The following ITPRID2 variants were observed in gnomAD, a reference collection of about 807,000 sequenced individuals.
ITPRID2 encodes the protein protein ITPRID2.
Under a neutral mutation model 124.3 loss-of-function variants are expected in ITPRID2, and 60 were observed. The ratio of observed to expected loss-of-function variants is 0.48; its 90% CI spans 0.39 to 0.60. ITPRID2 has a LOEUF of 0.60. Among genes scored for constraint, ITPRID2 ranks in the 20% least tolerant of loss-of-function variants. The pLI is 0.00. For missense variants in ITPRID2, 1,553 were observed against 1,512.2 expected (o/e 1.03, Z -0.45); for synonymous variants, 521 against 542.9 (o/e 0.96, Z 0.56).
At position 181,899,064 on chromosome 2, in the gene ITPRID2, G is replaced by T. The variant is rs747510958; in HGVS notation, c.455G>T (p.Arg152Ile). 1 of 1,611,504 alleles carries T rather than the reference G, an allele frequency of 6.2e-7. No homozygotes were observed. The highest frequency in any genetic ancestry group is 1.1e-5 in the South Asian group (1 of 90,264). The stretch of plus-strand genomic sequence containing the variant: ...AGATTACAGTTTCATCAGAAAGGGA[G>T]AAGTATGAATTCCACTGGATCTGGG... ...ERRLQFHQKGRSMNSTGSGKS... is the reference protein window; with the variant it reads ...ERRLQFHQKGISMNSTGSGKS... Residue 152 changes from arginine (R) to isoleucine (I), a missense_variant, in exon 6 of 18, where the codon AGA becomes ATA. Arg to Ile is a moderately conservative substitution (Grantham distance 97, BLOSUM62 -3). Transcript: ENST00000431877.
At chr2:181,894,008 C>T (rs1392928475) in intron 2 of ITPRID2, 1 of 152,184 alleles carries the variant, frequency 6.6e-6, no homozygotes, top group Non-Finnish European at 1.5e-5. Flanking sequence ...TCCTTTAAAG[C>T]CTCCAATCTG....
At chr2:181,899,364 C>T (rs1343524896) in intron 6 of ITPRID2, among the ~76,000 whole-genome samples, 1 of 152,076 alleles carries the variant, frequency 6.6e-6, no homozygotes, top group South Asian at 2.1e-4. Flanking sequence ...TATTTTGAGC[C>T]CTCTCAACAG....
rs374933632 is a variant in ITPRID2, at chr2:181,929,570, G to C, written c.*23G>C. The stretch of plus-strand genomic sequence containing the variant: ...TCTTTTCTTTTTTAAGGTTGGCATG[G>C]ATCCTATTAGCTGTGTAATACTGGA... On this transcript the variant is annotated 3_prime_UTR_variant, in exon 18 of 18. Coordinates refer to ENST00000431877, the MANE Select transcript of ITPRID2 (RefSeq NM_001130445.3). 1 of 1,610,658 alleles carries C rather than the reference G, an allele frequency of 6.2e-7. No homozygotes were observed. Among genetic ancestry groups the C allele is most frequent in the Non-Finnish European group, 8.5e-7 (1 of 1,177,918 alleles).
At chr2:181,903,738 G>T (rs74871920) in intron 8 of ITPRID2, among the ~76,000 whole-genome samples, 5,562 of 151,850 alleles carry the variant, frequency 0.037, 134 homozygotes, top group South Asian at 0.1. Flanking sequence ...TTTACCTCCT[G>T]GTATAATTTA....
rs1039303841 is a variant in ITPRID2 at position 181,907,223 on chromosome 2, A to C, written c.1414-2676A>C. On this transcript the variant is annotated intron_variant, in intron 8 of 17. Coordinates refer to ENST00000431877, the MANE Select transcript of ITPRID2 (RefSeq NM_001130445.3). The surrounding 1 kb of genome is among the most constrained non-coding windows in gnomAD (Gnocchi z 5.1). The stretch of plus-strand genomic sequence containing the variant: ...AAACATGACAGCTGTTAAGAAACCA[A>C]AGTGGTTCACTGAAACAAAAAGTAC... Among the ~76,000 whole-genome samples the C allele has an allele frequency of 1.3e-5, 2 of 152,202 alleles. No individual in the cohort carries two copies. Among genetic ancestry groups the C allele is most frequent in the African/African-American group, 4.8e-5 (2 of 41,452 alleles).
In ITPRID2 at chr2:181,929,663, C is replaced by G. The variant is rs1181952855; in HGVS notation, c.*116C>G. 8.8e-6 allele frequency: 14 copies of G among 1,591,952 alleles called. No individual in the cohort carries two copies. The highest frequency in any genetic ancestry group is 1.2e-5 in the Non-Finnish European group (14 of 1,160,772). On this transcript the variant is annotated 3_prime_UTR_variant, in exon 18 of 18. Coordinates refer to ENST00000431877, the MANE Select transcript of ITPRID2 (RefSeq NM_001130445.3). ...AGAAGATACTTGCTGTTGAGCTGGG[C>G]TACTGTATACAGTGTACAATGTGTA...
intron 2 of ITPRID2, chr2:181,893,558 A>G (rs1691937057): frequency 6.6e-6 from 1 of 152,192 alleles, no homozygotes; most frequent in African/African-American, 2.4e-5. Context: ...CATGATATTA[A>G]TGCCTTGTTT....
At position 181,902,263 on chromosome 2, in the gene ITPRID2, A is replaced by C; in HGVS notation, c.1210A>C (p.Ser404Arg). Residue 404 changes from serine to arginine, a missense_variant, in exon 8 of 18, where the codon AGT (serine) becomes CGT (arginine). Ser to Arg is a moderately radical substitution (Grantham distance 110). Coordinates refer to ENST00000431877, the MANE Select transcript of ITPRID2 (RefSeq NM_001130445.3). The surrounding 1 kb of genome is among the most constrained non-coding windows in gnomAD (Gnocchi z 4.4). ...AAGTAAAGAAACTCAAAGTCATGAG[A>C]GTAAACTGGGTGAGGAATCTGGTAT... Reference protein sequence around the residue: ...EQSKETQSHESKLGEESGIVE... With the variant: ...EQSKETQSHERKLGEESGIVE... 1 of 1,613,674 alleles carries C rather than the reference A, an allele frequency of 6.2e-7. No homozygotes were observed. The highest frequency in any genetic ancestry group is 8.5e-7 in the Non-Finnish European group (1 of 1,179,796).
rs10716968 is a variant in ITPRID2, at chr2:181,907,446, G to GTTT, written c.1414-2440_1414-2438dup. ...GCAATTTTATCACTTTGGTTTAGTG[G>GTTT]TTTTTTTTTTTTTTTATATTATGAA... On this transcript the variant is annotated intron_variant, in intron 8 of 17. Transcript: ENST00000431877. The surrounding 1 kb of genome is among the most constrained non-coding windows in gnomAD (Gnocchi z 5.1). Among the ~76,000 whole-genome samples, 1 of 144,620 alleles carries GTTT rather than the reference G, an allele frequency of 6.9e-6. No homozygotes were observed. The highest frequency in any genetic ancestry group is 2.5e-5 in the African/African-American group (1 of 39,526). 94.9% of individuals were successfully genotyped at this position (144,620 alleles called of 152,430 possible). A position where few individuals can be genotyped will look rare whatever the true frequency, so the allele number is the denominator to read the frequency against.
chr2:181,896,713 G>A lies in ITPRID2; in HGVS notation c.308-195G>A, dbSNP rs913827835. ...AGAACTTTATGTTGCTGGAAAAGTG[G>A]TTTCTTTACGTTAAAGTAAAAGCTT... is the stretch of plus-strand genomic sequence containing the variant. On this transcript the variant is annotated intron_variant, in intron 3 of 17. Coordinates refer to ENST00000431877, the MANE Select transcript of ITPRID2 (RefSeq NM_001130445.3). The surrounding 1 kb of genome is among the most constrained non-coding windows in gnomAD (Gnocchi z 4.3). 6.6e-6 allele frequency among the ~76,000 whole-genome samples: 1 copy of A among 151,940 alleles called. No individual in the cohort carries two copies. The highest frequency in any genetic ancestry group is 2.4e-5 in the African/African-American group (1 of 41,420).
intron 11 of ITPRID2, 80 bp downstream of exon 11, chr2:181,916,507 A>C: frequency 6.7e-7 from 1 of 1,489,000 alleles, no homozygotes; most frequent in Non-Finnish European, 9.0e-7. Context: ...AAGCTAAGGC[A>C]CATCAAGTAT....
In ITPRID2 at chr2:181,900,906, T is replaced by A. The variant is rs763864689; in HGVS notation, c.712+2T>A. ...AAAACCCAAATTATGCTTTAACAAG[T>A]AAGATTTTTAAGTGTTAGGCATATT... is the stretch of plus-strand genomic sequence containing the variant. On this transcript the variant is annotated splice_donor_variant, in intron 7 of 17. Coordinates refer to ENST00000431877, the MANE Select transcript of ITPRID2 (RefSeq NM_001130445.3). LOFTEE classifies it high-confidence loss of function. The A allele has an allele frequency of 1.2e-6, 2 of 1,600,780 alleles. No homozygotes were observed. The highest frequency in any genetic ancestry group is 8.5e-7 in the Non-Finnish European group (1 of 1,174,246).
chr2:181,902,165 C>G lies in ITPRID2; in HGVS notation c.1112C>G (p.Thr371Arg). 2 of 1,613,684 alleles carry G rather than the reference C, an allele frequency of 1.2e-6. No individual in the cohort carries two copies. The highest frequency in any genetic ancestry group is 1.7e-6 in the Non-Finnish European group (2 of 1,179,768). ...GTCTCTGGTAGTTCAGCAGCTGTTA[C>G]GGAGAATGCTGATAGTGATAGAATT... Reference protein sequence around the residue: ...EEVSGSSAAVTENADSDRISD... With the variant: ...EEVSGSSAAVRENADSDRISD... The change falls in exon 8 of 18, where the codon ACG becomes AGG. Residue 371 changes from threonine (T) to arginine (R), a missense_variant. Physicochemically the swap from Thr to Arg is moderately conservative, Grantham distance 71 (BLOSUM62 -1). Transcript: ENST00000431877. This position sits in a 1 kb window ranked among gnomAD's most constrained non-coding sequence, Gnocchi z 4.4.
chr2:181,919,522 C>T lies in ITPRID2; in HGVS notation c.3144+76C>T. 1.4e-6 allele frequency: 2 copies of T among 1,428,164 alleles called. No homozygotes were observed. The highest frequency in any genetic ancestry group is 1.8e-6 in the Non-Finnish European group (2 of 1,084,456). The allele number at this position is 1,428,164 out of a possible 1,614,324, so 88.5% of individuals were successfully genotyped here. On this transcript the variant is annotated intron_variant, in intron 14 of 17. Coordinates refer to ENST00000431877, the MANE Select transcript of ITPRID2 (RefSeq NM_001130445.3). This position sits in a 1 kb window ranked among gnomAD's most constrained non-coding sequence, Gnocchi z 4.2. Reference sequence around the variant, plus strand: ...TGTTCCAATAATTTAGGACGTGTGCCTTCATTTCAAGTCATTTATTTTAAT... The same window carrying T: ...TGTTCCAATAATTTAGGACGTGTGCTTTCATTTCAAGTCATTTATTTTAAT...
chr2:181,927,340 A>G (rs1303644441), intron 16 of ITPRID2, among the ~76,000 whole-genome samples: 1 of 152,222 alleles, frequency 6.6e-6, no homozygotes, highest in African/African-American at 2.4e-5. Context: ...ACACATTTAT[A>G]GCTTTCACAA....
At chr2:181,922,492 G>C in intron 16 of ITPRID2, 80 bp downstream of exon 16, 1 of 1,284,094 alleles carries the variant, frequency 7.8e-7, no homozygotes, top group Non-Finnish European at 1.1e-6. Context: ...ATTATTTACA[G>C]AATGTTCTTT....
Position 181,919,011 on chromosome 2 carries a change from A to AAAC in ITPRID2, c.2993+129_2993+130insAAC. On this transcript the variant is annotated intron_variant, in intron 13 of 17. Coordinates refer to ENST00000431877, the MANE Select transcript of ITPRID2 (RefSeq NM_001130445.3). The surrounding 1 kb of genome is among the most constrained non-coding windows in gnomAD (Gnocchi z 4.2). The stretch of plus-strand genomic sequence containing the variant: ...TTGTATCTGTTTTGTGAACCAGTGT[A>AAAC]GATAAGATTAGTCATAGATAGTGTT... 1 of 1,252,746 alleles carries AAAC rather than the reference A, an allele frequency of 8.0e-7. No individual in the cohort carries two copies. 77.6% of individuals were successfully genotyped at this position (1,252,746 alleles called of 1,614,324 possible).
At chr2:181,899,379 A>G (rs1692473004) in intron 6 of ITPRID2, among the ~76,000 whole-genome samples, 1 of 152,194 alleles carries the variant, frequency 6.6e-6, no homozygotes, top group Admixed American at 6.5e-5. Flanking sequence ...CAACAGCCTG[A>G]AAGAGGAACT....
At chr2:181,928,861 C>T (rs908182049) in intron 17 of ITPRID2, among the ~76,000 whole-genome samples, 5 of 151,956 alleles carry the variant, frequency 3.3e-5, no homozygotes, top group Non-Finnish European at 7.4e-5. Flanking sequence ...CTCCTGACCT[C>T]GTGATCCGCC....
Sources: allele counts gnomAD v4.1 joint callset (sites outside exome capture counted in the v4.1 genomes callset), GRCh38; gene constraint gnomAD v4.1.1; non-coding constraint Gnocchi (gnomAD v3.1); transcripts MANE v1.5; gene names NCBI Gene and HGNC (gene_info 2026-07-23, HGNC 2026-07-21).